Variants in THSD7B observed in about 807,000 individuals in gnomAD.
The protein encoded by THSD7B is thrombospondin type 1 domain containing 7B.
A neutral mutation model predicts 213.6 loss-of-function variants in THSD7B; 138 were observed. The observed-to-expected ratio is 0.65, with a 90% CI of 0.56 to 0.74. The LOEUF (loss-of-function observed/expected upper bound fraction) is 0.74. THSD7B is among the 30% of genes least tolerant of loss of function. The pLI is 0.00. For missense variants in THSD7B, 1,931 were observed against 1,991.5 expected, an observed-to-expected ratio of 0.97 and a Z score of 0.58; for synonymous variants, 742 against 687.0, an observed-to-expected ratio of 1.08 and a Z score of -1.25.
chr2:137,449,683 T>C (rs1014022509), intron 14 of THSD7B, among the ~76,000 whole-genome samples: 1 of 152,216 alleles, frequency 6.6e-6, no homozygotes, highest in African/African-American at 2.4e-5. Context: ...CATGTGACCA[T>C]GCCATCAGCA....
At chr2:137,107,074 A>G (rs1357475041) in intron 4 of THSD7B, among the ~76,000 whole-genome samples, 1 of 152,236 alleles carries the variant, frequency 6.6e-6, no homozygotes, top group Admixed American at 6.5e-5. Context: ...TCATTCTACT[A>G]TAAAGGCACA....
chr2:137,618,770 A>G (rs1431333674), intron 19 of THSD7B, among the ~76,000 whole-genome samples: 1 of 152,200 alleles, frequency 6.6e-6, no homozygotes, highest in Admixed American at 6.5e-5. Context: ...AAAGTTATTT[A>G]CCTGTACTTG....
intron 1 of THSD7B, among the ~76,000 whole-genome samples, chr2:136,861,957 T>C (rs62172270): frequency 3.9e-4 from 60 of 152,196 alleles, no homozygotes; most frequent in Admixed American, 6.5e-4. Flanking sequence ...AAGCCTGGAA[T>C]GTTAATGCTG....
chr2:137,470,702 T>C (rs1459835714), intron 15 of THSD7B, among the ~76,000 whole-genome samples: 1 of 152,156 alleles, frequency 6.6e-6, no homozygotes, highest in Non-Finnish European at 1.5e-5. Flanking sequence ...CTACCAGCTG[T>C]CAATTTTTAA....
intron 15 of THSD7B, among the ~76,000 whole-genome samples, chr2:137,455,387 A>G (rs1403759832): frequency 6.6e-6 from 1 of 152,142 alleles, no homozygotes. Flanking sequence ...AGTCTTTACA[A>G]TTTTCCTGGA....
At chr2:137,098,987 T>C (rs542344898) in intron 4 of THSD7B, among the ~76,000 whole-genome samples, 44 of 152,336 alleles carry the variant, frequency 2.9e-4, no homozygotes, top group African/African-American at 9.4e-4. Flanking sequence ...TAAGTTTGTT[T>C]CGAAGTTGTA....
At chr2:137,127,170 T>C (rs10203568) in intron 5 of THSD7B, among the ~76,000 whole-genome samples, 103,009 of 152,082 alleles carry the variant, frequency 0.68, 36,691 homozygotes, top group Non-Finnish European at 0.78. Context: ...ACAGTCTTGC[T>C]GGACACAGGG....
rs777353589 is a variant in THSD7B at position 136,807,509 on chromosome 2, G to GTTTTTTTTTTTTTTTT, written c.-36+41823_-36+41838dup. On this transcript the variant is annotated intron_variant, in intron 1 of 27. Coordinates refer to ENST00000409968, the MANE Select transcript of THSD7B (RefSeq NM_001316349.2). ...ACTTCCTAGCACTACAAAATGTTTCGTTTTTTTTTTTTTTTTGAGACGGAG... is the reference window on the plus strand; with the variant it reads ...ACTTCCTAGCACTACAAAATGTTTCGTTTTTTTTTTTTTTTTTTTTTTTTTTTTTTTTGAGACGGAG... Among the ~76,000 whole-genome samples the GTTTTTTTTTTTTTTTT allele has an allele frequency of 1.8e-3, 189 of 104,854 alleles. 11 individuals carry two copies. The highest frequency in any genetic ancestry group is 4.0e-3 in the African/African-American group (109 of 27,038). 68.8% of individuals were successfully genotyped at this position (104,854 alleles called of 152,430 possible).
intron 1 of THSD7B, among the ~76,000 whole-genome samples, chr2:136,862,060 G>A (rs187882436): frequency 1.3e-5 from 2 of 152,336 alleles, no homozygotes; most frequent in African/African-American, 4.8e-5. Context: ...GTTCCCCATG[G>A]TGAGTGATCG....
At position 137,676,732 on chromosome 2, in the gene THSD7B, A is replaced by G. The variant is rs1573783289; in HGVS notation, c.*127A>G. 1 of 739,132 alleles carries G rather than the reference A, an allele frequency of 1.4e-6. No individual in the cohort carries two copies. Among genetic ancestry groups the G allele is most frequent in the African/African-American group, 1.8e-5 (1 of 54,072 alleles). 45.8% of individuals were successfully genotyped at this position (739,132 alleles called of 1,614,324 possible). On this transcript the variant is annotated 3_prime_UTR_variant, in exon 28 of 28. Transcript: ENST00000409968. The stretch of plus-strand genomic sequence containing the variant: ...TATTGGGCAGAATACAAATATTGCA[A>G]AAGTAATATTGCCTCAACTTCATTT...
intron 5 of THSD7B, among the ~76,000 whole-genome samples, chr2:137,146,340 C>T (rs746461333): frequency 6.6e-6 from 1 of 152,008 alleles, no homozygotes; most frequent in Non-Finnish European, 1.5e-5. Flanking sequence ...CATGGAAAAG[C>T]ACAACAAAGC....
At chr2:137,345,539 G>T (rs998856993) in intron 12 of THSD7B, among the ~76,000 whole-genome samples, 2 of 151,634 alleles carry the variant, frequency 1.3e-5, no homozygotes, top group Non-Finnish European at 3.0e-5. Context: ...TTGAGAAAAA[G>T]AAATGGGGTG....
intron 15 of THSD7B, among the ~76,000 whole-genome samples, chr2:137,560,492 C>T (rs992264885): frequency 6.6e-6 from 1 of 152,030 alleles, no homozygotes; most frequent in Non-Finnish European, 1.5e-5. Flanking sequence ...TGTTCTCACT[C>T]ATAGGTGGGA....
intron 2 of THSD7B, among the ~76,000 whole-genome samples, chr2:136,994,556 C>A (rs1340219487): frequency 1.3e-5 from 2 of 152,086 alleles, no homozygotes; most frequent in Non-Finnish European, 2.9e-5. Flanking sequence ...CTGAGGGAAG[C>A]TCTGTCTTAG....
intron 1 of THSD7B, among the ~76,000 whole-genome samples, chr2:136,804,541 A>G (rs910753103): frequency 2.0e-5 from 3 of 152,198 alleles, no homozygotes; most frequent in Middle Eastern, 3.2e-3. Context: ...ATAAAGACCA[A>G]TATGAATATC....
chr2:137,306,099 G>T (rs1042135921), intron 12 of THSD7B, among the ~76,000 whole-genome samples: 13 of 152,278 alleles, frequency 8.5e-5, no homozygotes, highest in Middle Eastern at 3.4e-3. Context: ...GGTAGTGAAC[G>T]TGAAGCCCCA....
intron 15 of THSD7B, among the ~76,000 whole-genome samples, chr2:137,496,207 C>T (rs1167300723): frequency 2.0e-5 from 3 of 152,030 alleles, no homozygotes; most frequent in Non-Finnish European, 4.4e-5. Context: ...AGTTAATGAG[C>T]CCTCTCATTT....
chr2:137,594,450 G>A (rs1299175928), intron 17 of THSD7B, among the ~76,000 whole-genome samples: 4 of 151,978 alleles, frequency 2.6e-5, no homozygotes, highest in African/African-American at 9.7e-5. Context: ...AATGTTATCT[G>A]CTATAAGATT....
At chr2:136,970,200 A>G (rs1558871389) in intron 2 of THSD7B, among the ~76,000 whole-genome samples, 1 of 152,176 alleles carries the variant, frequency 6.6e-6, no homozygotes, top group East Asian at 1.9e-4. Context: ...ATGGTGGCTC[A>G]TACCTGTAAT....
Sources: allele counts gnomAD v4.1 joint callset (sites outside exome capture counted in the v4.1 genomes callset), GRCh38; gene constraint gnomAD v4.1.1; transcripts MANE v1.5; gene names NCBI Gene and HGNC (gene_info 2026-07-23, HGNC 2026-07-21).